Variants in PDXDC1 observed in about 807,000 individuals in gnomAD.
The protein encoded by PDXDC1 is pyridoxal dependent decarboxylase domain containing 1.
A neutral mutation model predicts 100.1 loss-of-function variants in PDXDC1; 42 were observed. The observed-to-expected ratio is 0.42, with a 90% confidence interval of 0.33 to 0.54. The LOEUF (loss-of-function observed/expected upper bound fraction) is 0.54. PDXDC1 is among the 20% of genes least tolerant of loss of function. PDXDC1 has a pLI of 0.10. For synonymous variants in PDXDC1, 260 were observed against 371.7 expected (o/e 0.70, Z 3.46); for missense variants, 636 against 979.2 (o/e 0.65, Z 4.68).
At chr16:14,986,628 TATA>T in intron 1 of PDXDC1, among the ~76,000 whole-genome samples, 1 of 152,420 alleles carries the variant, frequency 6.6e-6, no homozygotes, top group Middle Eastern at 3.4e-3. Context: ...GTACTTGAAA[TATA>T]ATTTATGAAT....
chr16:15,019,814 TAGAA>T (rs1228551078), intron 12 of PDXDC1, among the ~76,000 whole-genome samples: 1 of 152,258 alleles, frequency 6.6e-6, no homozygotes, highest in East Asian at 1.9e-4. Context: ...TCATAGCATT[TAGAA>T]AGCAAAAAAA....
chr16:14,982,183 C>T (rs1179328097), intron 1 of PDXDC1, among the ~76,000 whole-genome samples: 1 of 152,308 alleles, frequency 6.6e-6, no homozygotes, highest in Non-Finnish European at 1.5e-5. Flanking sequence ...CTTGGCTAAC[C>T]CTTTTCAACT....
At chr16:15,032,833 G>C in intron 17 of PDXDC1, 28 bp from the exon 18 acceptor site, 2 of 1,207,214 alleles carry the variant, frequency 1.7e-6, no homozygotes, top group Non-Finnish European at 2.5e-6. Context: ...CTTTTAAGCT[G>C]AAATGCTGTG....
In PDXDC1 at chr16:15,127,804, C is replaced by G. The variant is rs940982854; in HGVS notation, c.1400-11075C>G. ...GCGAGTGAAACAGCTACGAGGCGGC[C>G]GGTCCCATATGGAGAGCCAGATGTG... is the stretch of plus-strand genomic sequence containing the variant. On this transcript the variant is annotated intron_variant, in intron 16 of 16. Coordinates refer to the PDXDC1 transcript ENST00000535621. 6 of 1,561,170 alleles carry G rather than the reference C, an allele frequency of 3.8e-6. No homozygotes were observed. The East Asian group carries it at 1.2e-4, about 31-fold the overall frequency.
intron 16 of PDXDC1, among the ~76,000 whole-genome samples, chr16:15,087,971 G>A (rs1209086079): frequency 2.0e-5 from 3 of 152,056 alleles, no homozygotes; most frequent in Non-Finnish European, 4.4e-5. Flanking sequence ...AAAATTAGCT[G>A]GGCGTGGTGG....
In PDXDC1 at chr16:15,037,881, G is replaced by GAA. The variant is rs2043585937; in HGVS notation, c.*1608_*1609dup. 3.6e-6 allele frequency: 2 copies of GAA among 552,252 alleles called. No homozygotes were observed. The highest frequency in any genetic ancestry group is 3.4e-5 in the Admixed American group (1 of 29,556). 34.2% of individuals were successfully genotyped at this position (552,252 alleles called of 1,614,324 possible). A position where few individuals can be genotyped will look rare whatever the true frequency, so the allele number is the denominator to read the frequency against. On this transcript the variant is annotated 3_prime_UTR_variant, in exon 23 of 23. Coordinates refer to ENST00000396410, the MANE Select transcript of PDXDC1 (RefSeq NM_015027.4). ...CTTTGCCAAAATAAGGTTTTATTTTGAAAGTCATTTGATGAAAGTCATTTG... is the reference window on the plus strand; with the variant it reads ...CTTTGCCAAAATAAGGTTTTATTTTGAAAAAGTCATTTGATGAAAGTCATTTG...
intron 16 of PDXDC1, among the ~76,000 whole-genome samples, chr16:15,097,485 A>AC (rs2046397220): frequency 6.7e-6 from 1 of 148,372 alleles, no homozygotes; most frequent in Non-Finnish European, 1.5e-5. Context: ...AAAAAAAAAA[A>AC]AAAAAAATGT....
At chr16:15,099,419 CA>C (rs768689960) in intron 16 of PDXDC1, among the ~76,000 whole-genome samples, 681 of 40,936 alleles carry the variant, frequency 0.017, 1 homozygote, top group African/African-American at 0.047. Flanking sequence ...GACTTGGTCT[CA>C]AAAAAAAAAA....
chr16:15,148,614 G>C, the PDXDC1 span, among the ~76,000 whole-genome samples: 6 of 151,176 alleles, frequency 4.0e-5, no homozygotes, highest in African/African-American at 1.2e-4. Flanking sequence ...AAACTCCTGG[G>C]CTCAAGCGAT....
downstream of PDXDC1, among the ~76,000 whole-genome samples, chr16:15,142,657 G>T (rs965638765): frequency 1.3e-5 from 2 of 152,132 alleles, no homozygotes; most frequent in Non-Finnish European, 2.9e-5. Flanking sequence ...GCTTGCTCCC[G>T]TACTTTTCCA....
rs1042777470 is a variant in PDXDC1, at chr16:14,989,845, G to A, written c.22-7908G>A. ...CGCTCCCCGGGAGTCACCCACAGCC[G>A]ATTGGCAGCCACGTCCAGGGCCAGG... is the stretch of plus-strand genomic sequence containing the variant. On this transcript the variant is annotated intron_variant, in intron 1 of 22. Transcript: ENST00000396410. 19 of 1,538,336 alleles carry A rather than the reference G, an allele frequency of 1.2e-5. No homozygotes were observed. The African/African-American group carries it at 1.4e-4, about 11-fold the overall frequency.
intron 16 of PDXDC1, chr16:15,071,400 G>C: frequency 1.3e-6 from 1 of 775,106 alleles, no homozygotes. Flanking sequence ...AACACATTGA[G>C]AGAATATCAT....
intron 8 of PDXDC1, chr16:15,015,718 A>AG (rs2041740190): frequency 1.2e-5 from 3 of 241,476 alleles, no homozygotes; most frequent in South Asian, 1.1e-4. Flanking sequence ...TCCGTCTCAA[A>AG]AAAAAAAAAA....
At chr16:14,975,866 C>T in intron 1 of PDXDC1, among the ~76,000 whole-genome samples, 1 of 152,292 alleles carries the variant, frequency 6.6e-6, no homozygotes, top group Non-Finnish European at 1.5e-5. Flanking sequence ...CGGGCGAGAA[C>T]CTCTGAGTTC....
intron 1 of PDXDC1, among the ~76,000 whole-genome samples, chr16:14,997,054 T>C (rs1262540687): frequency 2.6e-5 from 4 of 152,254 alleles, no homozygotes; most frequent in South Asian, 2.1e-4. Flanking sequence ...GTTACCCCCA[T>C]GGGACTTGTA....
intron 16 of PDXDC1, chr16:15,104,378 T>C (rs779601216): frequency 5.6e-6 from 9 of 1,596,802 alleles, no homozygotes; most frequent in Non-Finnish European, 7.6e-6. Flanking sequence ...CCACTGAGGG[T>C]GGAAGGGGAG....
intron 16 of PDXDC1, among the ~76,000 whole-genome samples, chr16:15,100,253 T>G (rs1020799081): frequency 6.6e-6 from 1 of 152,226 alleles, no homozygotes; most frequent in Admixed American, 6.5e-5. Context: ...TCATTTGTCC[T>G]TTTTCCTTTC....
At chr16:15,069,630 C>T (rs3954028) in intron 16 of PDXDC1, among the ~76,000 whole-genome samples, 3 of 152,198 alleles carry the variant, frequency 2.0e-5, no homozygotes, top group Non-Finnish European at 4.4e-5. Context: ...AATCCTGCCA[C>T]TAACCATGTG....
At chr16:15,147,519 G>C in the PDXDC1 span, among the ~76,000 whole-genome samples, 75 of 152,246 alleles carry the variant, frequency 4.9e-4, 1 homozygote, top group Middle Eastern at 3.4e-3. Context: ...GAGAGGGTGC[G>C]GACTCTTCCT....
Sources: allele counts gnomAD v4.1 joint callset (sites outside exome capture counted in the v4.1 genomes callset), GRCh38; gene constraint gnomAD v4.1.1; transcripts MANE v1.5; gene names NCBI Gene and HGNC (gene_info 2026-07-23, HGNC 2026-07-21).